The following TNFSF15 variants were observed in gnomAD, a reference collection of about 807,000 sequenced individuals.
TNFSF15 encodes the protein tumor necrosis factor ligand superfamily member 15.
TNFSF15 carries 15 observed loss-of-function variants against 26.4 expected under a neutral mutation model. The ratio of observed to expected loss-of-function variants is 0.57; its 90% confidence interval spans 0.38 to 0.87. The LOEUF is 0.87. TNFSF15 is among the 40% of genes least tolerant of loss of function. The pLI is 0.00. For missense variants in TNFSF15, 290 were observed against 306.1 expected, an observed-to-expected ratio of 0.95 and a Z score of 0.39; for synonymous variants, 116 against 115.0, an observed-to-expected ratio of 1.01 and a Z score of -0.06.
At chr9:114,800,349 G>A (rs1369329117) in intron 1 of TNFSF15, among the ~76,000 whole-genome samples, 1 of 152,110 alleles carries the variant, frequency 6.6e-6, no homozygotes, top group Non-Finnish European at 1.5e-5. Context: ...CCTTCTGTGT[G>A]CCAGGTACAG....
intron 1 of TNFSF15, among the ~76,000 whole-genome samples, chr9:114,795,009 T>A (rs1168501182): frequency 6.6e-6 from 1 of 152,148 alleles, no homozygotes; most frequent in East Asian, 1.9e-4. Flanking sequence ...TATATTATAC[T>A]GTACATTACA....
At chr9:114,797,510 A>T (rs1176444378) in intron 1 of TNFSF15, among the ~76,000 whole-genome samples, 1 of 152,252 alleles carries the variant, frequency 6.6e-6, no homozygotes, top group Non-Finnish European at 1.5e-5. Context: ...TGTGATAGGA[A>T]GCAGTAATGA....
chr9:114,790,674 A>G lies in TNFSF15; in HGVS notation c.534T>C (p.Thr178=). Residue 178 remains threonine (T), a synonymous_variant, in exon 4 of 4, where the codon ACT becomes ACC. Coordinates refer to ENST00000374045, the MANE Select transcript of TNFSF15 (RefSeq NM_005118.4). ...AGRPNKPDSI[T]VVITKVTDSY... Reference sequence around the variant, plus strand: ...TGTCTGTTACCTTGGTGATGACCACAGTGATGGAGTCTGGCTTGTTTGGTC... The same window carrying G: ...TGTCTGTTACCTTGGTGATGACCACGGTGATGGAGTCTGGCTTGTTTGGTC... The G allele has an allele frequency of 3.1e-6, 5 of 1,614,076 alleles. No homozygotes were observed. Among genetic ancestry groups the G allele is most frequent in the Non-Finnish European group, 4.2e-6 (5 of 1,180,004 alleles).
At chr9:114,805,139 T>C (rs1034828766) in intron 1 of TNFSF15, among the ~76,000 whole-genome samples, 2 of 152,120 alleles carry the variant, frequency 1.3e-5, no homozygotes, top group Non-Finnish European at 2.9e-5. Flanking sequence ...ACCTTAGAGA[T>C]AGACAACCAG....
In TNFSF15 at chr9:114,787,780, A is replaced by T. The variant is rs547550333; in HGVS notation, c.*2672T>A. 2.0e-5 allele frequency: 3 copies of T among 153,792 alleles called. No individual in the cohort carries two copies. In the Admixed American group the frequency reaches 2.0e-4, roughly 10 times the overall value. The allele number at this position is 153,792 out of a possible 1,614,324, so 9.5% of individuals were successfully genotyped here. A position where few individuals can be genotyped will look rare whatever the true frequency, so the allele number is the denominator to read the frequency against. On this transcript the variant is annotated 3_prime_UTR_variant, in exon 4 of 4. Coordinates refer to ENST00000374045, the MANE Select transcript of TNFSF15 (RefSeq NM_005118.4). Reference sequence around the variant, plus strand: ...TTCCGTAAAAAATATACTATACAGAATTTAACAAAATCAGCAGTAAAAACT... The same window carrying T: ...TTCCGTAAAAAATATACTATACAGATTTTAACAAAATCAGCAGTAAAAACT...
Position 114,790,558 on chromosome 9 carries a change from A to C in TNFSF15, c.650T>G (p.Met217Arg), listed in dbSNP as rs1298405818. Residue 217 changes from methionine to arginine, a missense_variant, in exon 4 of 4, where the codon ATG becomes AGG. Met to Arg is a moderately conservative substitution (Grantham distance 91, BLOSUM62 -1). This residue lies in a region of TNFSF15 where 102 missense variants were observed against 114.7 expected (regional missense o/e 0.89). Transcript: ENST00000374045. Reference sequence around the variant, plus strand: ...CTTGTCCCCTTCTTGCAAGGAGAACATGGCTCCGAGGTAGATGGGCTGGAA... The same window carrying C: ...CTTGTCCCCTTCTTGCAAGGAGAACCTGGCTCCGAGGTAGATGGGCTGGAA... ...NWFQPIYLGA[M>R]FSLQEGDKLM... 6.2e-7 allele frequency: 1 copy of C among 1,613,968 alleles called. No homozygotes were observed. Among genetic ancestry groups the C allele is most frequent in the East Asian group, 2.2e-5 (1 of 44,874 alleles).
rs756624794 is a variant in TNFSF15 at position 114,790,390 on chromosome 9, G to C, written c.*62C>G. On this transcript the variant is annotated 3_prime_UTR_variant, in exon 4 of 4. Coordinates refer to ENST00000374045, the MANE Select transcript of TNFSF15 (RefSeq NM_005118.4). ...AAAACCCCTGGTTATAATTACATTT[G>C]AACAAAGAAAATTAGGAACTCGGTG... 3.5e-5 allele frequency: 51 copies of C among 1,478,232 alleles called. No individual in the cohort carries two copies. The highest frequency in any genetic ancestry group is 3.1e-4 in the Admixed American group (14 of 45,602). The allele number at this position is 1,478,232 out of a possible 1,614,324, so 91.6% of individuals were successfully genotyped here. A position where few individuals can be genotyped will look rare whatever the true frequency, so the allele number is the denominator to read the frequency against.
chr9:114,792,439 G>A lies in TNFSF15; in HGVS notation c.269C>T (p.Ala90Val), dbSNP rs1159774940. ...GTGTGCCCTTGGCTTATCTCCGTCT[G>A]CTCTAAGAGGTGCATCTGTAACAAA... The part of the protein sequence containing the change: ...SHQQVYAPLR[A>V]DGDKPRAHLT... The change falls in exon 3 of 4, where the codon GCA becomes GTA. Residue 90 changes from alanine (A) to valine (V), a missense_variant. Physicochemically the swap from Ala to Val is moderately conservative, Grantham distance 64. This residue lies in a region of TNFSF15 where 179 missense variants were observed against 165.9 expected (regional missense o/e 1.08). Transcript: ENST00000374045. 1.2e-6 allele frequency: 2 copies of A among 1,614,142 alleles called. No homozygotes were observed. The highest frequency in any genetic ancestry group is 1.7e-5 in the Admixed American group (1 of 60,020).
intron 2 of TNFSF15, among the ~76,000 whole-genome samples, chr9:114,793,021 T>A (rs1032832003): frequency 6.6e-6 from 1 of 152,216 alleles, no homozygotes; most frequent in Non-Finnish European, 1.5e-5. Flanking sequence ...TGAGAAGACC[T>A]TAGAATTTCC....
intron 3 of TNFSF15, 189 bp downstream of exon 3, chr9:114,792,218 T>A (rs1371034305): frequency 3.2e-6 from 2 of 624,590 alleles, no homozygotes; most frequent in Non-Finnish European, 5.3e-6. Context: ...TATATACATA[T>A]GTGTGTACAC....
intron 1 of TNFSF15, among the ~76,000 whole-genome samples, chr9:114,802,501 T>C (rs891773788): frequency 6.6e-6 from 1 of 152,228 alleles, no homozygotes; most frequent in East Asian, 1.9e-4. Flanking sequence ...TCCGCCTGCC[T>C]CAGCCTCCCA....
At position 114,805,789 on chromosome 9, in the gene TNFSF15, G is replaced by A. The variant is rs761523008; in HGVS notation, c.210+14C>T. On this transcript the variant is annotated intron_variant, in intron 1 of 3. Transcript: ENST00000374045. ...CACTGCTCCTCCCCAAGGTCAGAGT[G>A]CCATGTGGCTTACCTGGAACTGCAC... The A allele has an allele frequency of 6.2e-7, 1 of 1,611,694 alleles. No homozygotes were observed. The highest frequency in any genetic ancestry group is 1.1e-5 in the South Asian group (1 of 90,976).
At position 114,790,598 on chromosome 9, in the gene TNFSF15, C is replaced by T; in HGVS notation, c.610G>A (p.Val204Ile). The T allele has an allele frequency of 6.2e-7, 1 of 1,614,104 alleles. No homozygotes were observed. The highest frequency in any genetic ancestry group is 8.5e-7 in the Non-Finnish European group (1 of 1,180,032). The change falls in exon 4 of 4, where the codon GTA becomes ATA. Residue 204 changes from valine to isoleucine, a missense_variant. By Grantham distance (29) the Val-to-Ile change is conservative. This residue lies in a region of TNFSF15 where 102 missense variants were observed against 114.7 expected (regional missense o/e 0.89). Transcript: ENST00000374045. ...ATGGGCTGGAACCAGTTGCTACCTA[C>T]TTCGCATACAGACTTGGTCCCCATG... is the stretch of plus-strand genomic sequence containing the variant. Reference protein sequence around the residue: ...LLMGTKSVCEVGSNWFQPIYL... With the variant: ...LLMGTKSVCEIGSNWFQPIYL...
chr9:114,800,317 T>A (rs1446976794), intron 1 of TNFSF15, among the ~76,000 whole-genome samples: 1 of 152,062 alleles, frequency 6.6e-6, no homozygotes, highest in Non-Finnish European at 1.5e-5. Context: ...CCTCCCTCCA[T>A]CCAGAAAACA....
intron 1 of TNFSF15, among the ~76,000 whole-genome samples, chr9:114,794,108 CTGCCT>C (rs1829645631): frequency 6.6e-6 from 1 of 152,224 alleles, no homozygotes; most frequent in Non-Finnish European, 1.5e-5. Flanking sequence ...GGAAGAGTAA[CTGCCT>C]TAGAGGCAGA....
At chr9:114,799,489 G>T (rs954851247) in intron 1 of TNFSF15, among the ~76,000 whole-genome samples, 3 of 152,130 alleles carry the variant, frequency 2.0e-5, no homozygotes, top group African/African-American at 7.2e-5. Context: ...TAGGAGCTCC[G>T]GGAGGCATCT....
chr9:114,798,372 G>GC (rs1829699683), intron 1 of TNFSF15, among the ~76,000 whole-genome samples: 2 of 142,930 alleles, frequency 1.4e-5, no homozygotes, highest in African/African-American at 5.1e-5. Flanking sequence ...TTTGATTTTT[G>GC]TTTTTTTTTT....
chr9:114,792,660 G>T, intron 2 of TNFSF15: 1 of 1,216,338 alleles, frequency 8.2e-7, no homozygotes, highest in Non-Finnish European at 1.1e-6. Flanking sequence ...AGAAGAAAGA[G>T]TCTTGAACAC....
At chr9:114,792,113 T>C (rs1829608760) in intron 3 of TNFSF15, 1 of 380,640 alleles carries the variant, frequency 2.6e-6, no homozygotes, top group Non-Finnish European at 4.9e-6. Context: ...TGCACTCACA[T>C]GCTTATTGCA....
Sources: gnomAD v4.1 joint callset for allele counts (sites outside exome capture counted in the v4.1 genomes callset) on GRCh38, gnomAD v4.1.1 for gene constraint, gnomAD v4.1.1 regional missense constraint, MANE v1.5 for transcripts, NCBI Gene and HGNC (gene_info 2026-07-23, HGNC 2026-07-21) for gene names.